Variants in PRIM2 observed in about 807,000 individuals in gnomAD.
PRIM2 encodes DNA primase subunit 2.
PRIM2 carries 39 observed loss-of-function variants against 67.3 expected under a neutral mutation model. The ratio of observed to expected loss-of-function variants is 0.58; its 90% confidence interval spans 0.45 to 0.76. PRIM2 has a LOEUF of 0.76. Ranked by LOEUF, PRIM2 falls within the 30% of genes least tolerant of loss-of-function variation. PRIM2 has a pLI of 0.00. For missense variants in PRIM2, 398 were observed against 598.7 expected (o/e 0.66, Z 3.50); for synonymous variants, 143 against 198.7 (o/e 0.72, Z 2.36).
chr6:57,247,744 G>A, the PRIM2 span, among the ~76,000 whole-genome samples: 1,143 of 152,204 alleles, frequency 7.5e-3, 13 homozygotes, highest in African/African-American at 0.027. Context: ...GTTTCCTTTT[G>A]ATATGGCCTA....
intron 7 of PRIM2, among the ~76,000 whole-genome samples, chr6:57,475,830 C>T (rs1404517749): frequency 6.6e-6 from 1 of 152,128 alleles, no homozygotes; most frequent in East Asian, 1.9e-4. Context: ...TATATACAAA[C>T]GTAAGAGACA....
chr6:57,501,950 T>A (rs1281546582), intron 7 of PRIM2, among the ~76,000 whole-genome samples: 6 of 152,300 alleles, frequency 3.9e-5, no homozygotes, highest in African/African-American at 1.4e-4. Flanking sequence ...TTTGTGTGTT[T>A]GAAATTTTTA....
intron 7 of PRIM2, among the ~76,000 whole-genome samples, chr6:57,402,672 A>G (rs1377456329): frequency 6.6e-6 from 1 of 152,192 alleles, no homozygotes; most frequent in Non-Finnish European, 1.5e-5. Flanking sequence ...AATGTCTATG[A>G]ATAAGAATAG....
chr6:57,261,598 C>T, the PRIM2 span, among the ~76,000 whole-genome samples: 1 of 152,190 alleles, frequency 6.6e-6, no homozygotes, highest in East Asian at 1.9e-4. Flanking sequence ...CTCTCCATGG[C>T]AATGTCTTCC....
chr6:57,227,138 G>C, the PRIM2 span, among the ~76,000 whole-genome samples: 1 of 151,740 alleles, frequency 6.6e-6, no homozygotes, highest in East Asian at 1.9e-4. Context: ...AATACTCTTA[G>C]TATACTGAGA....
chr6:57,493,226 A>T, intron 7 of PRIM2, among the ~76,000 whole-genome samples: 1 of 152,290 alleles, frequency 6.6e-6, no homozygotes, highest in Non-Finnish European at 1.5e-5. Context: ...ATCTGTCTTG[A>T]TCTGCAGCTA....
At chr6:57,269,113 T>A in the PRIM2 span, among the ~76,000 whole-genome samples, 5 of 152,270 alleles carry the variant, frequency 3.3e-5, no homozygotes, top group South Asian at 1.0e-3. Context: ...TGTGTCTTTA[T>A]AGCAGCATGA....
chr6:57,241,705 T>TTTG, the PRIM2 span, among the ~76,000 whole-genome samples: 1 of 149,704 alleles, frequency 6.7e-6, no homozygotes, highest in Admixed American at 6.7e-5. Flanking sequence ...TTTTTTTTTT[T>TTTG]GAGATGGAGT....
At position 57,407,907 on chromosome 6, in the gene PRIM2, G is replaced by A. The variant is rs535490810; in HGVS notation, c.693+25739G>A. ...TTCTCAATTTAACCCTGTTGGCAAC[G>A]TTATGAGATGGTTATTTGCATGAAT... is the stretch of plus-strand genomic sequence containing the variant. On this transcript the variant is annotated intron_variant, in intron 7 of 13. Transcript: ENST00000615550. 1.2e-4 allele frequency among the ~76,000 whole-genome samples: 19 copies of A among 152,272 alleles called. No individual in the cohort carries two copies. The East Asian group carries it at 1.5e-3, about 12-fold the overall frequency.
the PRIM2 span, among the ~76,000 whole-genome samples, chr6:57,278,360 AGGTAGCCTTAT>A: frequency 2.6e-5 from 4 of 152,136 alleles, no homozygotes; most frequent in Non-Finnish European, 4.4e-5. Flanking sequence ...ATATACCTAA[AGGTAGCCTTAT>A]GCTCTAGGGC....
chr6:57,330,165 C>T (rs1768003874), intron 5 of PRIM2, among the ~76,000 whole-genome samples: 1 of 151,024 alleles, frequency 6.6e-6, no homozygotes, highest in African/African-American at 2.5e-5. Context: ...TTATTTAGAT[C>T]TTCTTTAATT....
the PRIM2 span, among the ~76,000 whole-genome samples, chr6:57,250,621 C>T: frequency 1.3e-5 from 2 of 152,002 alleles, no homozygotes; most frequent in African/African-American, 2.4e-5. Context: ...GTTAGTTAGC[C>T]GTATGAAAAC....
At chr6:57,487,647 G>A (rs1773786213) in intron 7 of PRIM2, among the ~76,000 whole-genome samples, 1 of 152,122 alleles carries the variant, frequency 6.6e-6, no homozygotes, top group Admixed American at 6.5e-5. Context: ...AAAACCATAT[G>A]GCAATAAATA....
intron 10 of PRIM2, among the ~76,000 whole-genome samples, chr6:57,572,694 C>T (rs1197477478): frequency 0.014 from 2,102 of 152,300 alleles, 24 homozygotes; most frequent in Non-Finnish European, 0.021. Context: ...CCTGCCATTA[C>T]AGTTCACTGT....
chr6:57,287,181 A>G, the PRIM2 span, among the ~76,000 whole-genome samples: 1 of 152,190 alleles, frequency 6.6e-6, no homozygotes, highest in Non-Finnish European at 1.5e-5. Context: ...TAGTTCAGCC[A>G]TTGTGGAAGA....
intron 12 of PRIM2, among the ~76,000 whole-genome samples, chr6:57,626,779 C>A (rs1380761564): frequency 6.6e-6 from 1 of 152,000 alleles, no homozygotes; most frequent in Non-Finnish European, 1.5e-5. Flanking sequence ...CATGTGCCAC[C>A]ATGCCTGGTT....
intron 13 of PRIM2, among the ~76,000 whole-genome samples, chr6:57,644,866 G>T (rs1456113326): frequency 3.3e-5 from 5 of 152,202 alleles, no homozygotes; most frequent in Admixed American, 1.3e-4. Context: ...ATTTGAGACT[G>T]TGGAAAGTGA....
chr6:57,439,127 C>A (rs1772110613), intron 7 of PRIM2, among the ~76,000 whole-genome samples: 2 of 152,100 alleles, frequency 1.3e-5, no homozygotes, highest in African/African-American at 4.8e-5. Flanking sequence ...TTAGATGAAA[C>A]TCTTTATTAT....
At chr6:57,282,741 A>C in the PRIM2 span, among the ~76,000 whole-genome samples, 1 of 152,240 alleles carries the variant, frequency 6.6e-6, no homozygotes, top group Non-Finnish European at 1.5e-5. Flanking sequence ...CTGTAAGCTA[A>C]CGAGAGAGGG....
Sources: allele counts gnomAD v4.1 joint callset (sites outside exome capture counted in the v4.1 genomes callset), GRCh38; gene constraint gnomAD v4.1.1; transcripts MANE v1.5; gene names NCBI Gene and HGNC (gene_info 2026-07-23, HGNC 2026-07-21).